Variants in MAP2 observed in about 807,000 individuals in gnomAD.
MAP2 encodes the protein microtubule-associated protein 2.
MAP2 carries 14 observed loss-of-function variants against 137.6 expected under a neutral mutation model. The ratio of observed to expected loss-of-function variants is 0.10; its 90% confidence interval spans 0.07 to 0.16. The LOEUF (loss-of-function observed/expected upper bound fraction) is 0.16. Ranked by LOEUF, MAP2 falls within the 10% of genes least tolerant of loss-of-function variation. The pLI is 1.00. For synonymous variants in MAP2, 786 were observed against 782.3 expected, an observed-to-expected ratio of 1.00 and a Z score of -0.08; for missense variants, 2,088 against 2,191.5, an observed-to-expected ratio of 0.95 and a Z score of 0.94.
At chr2:209,536,772 AT>A (rs544016185) in intron 2 of MAP2, among the ~76,000 whole-genome samples, 5 of 152,022 alleles carry the variant, frequency 3.3e-5, no homozygotes, top group Non-Finnish European at 7.4e-5. Flanking sequence ...ATATGATAGT[AT>A]TTTTTTTCAT....
intron 1 of MAP2, among the ~76,000 whole-genome samples, chr2:209,487,403 T>C (rs1004745333): frequency 3.3e-5 from 5 of 152,170 alleles, no homozygotes; most frequent in Admixed American, 3.3e-4. Flanking sequence ...GATGACAAAA[T>C]GATGGTTTGG....
intron 2 of MAP2, among the ~76,000 whole-genome samples, chr2:209,550,490 T>G (rs1209542626): frequency 6.6e-6 from 1 of 152,134 alleles, no homozygotes; most frequent in Non-Finnish European, 1.5e-5. Context: ...TTCACAAAAT[T>G]GAACTCTAAT....
intron 2 of MAP2, among the ~76,000 whole-genome samples, chr2:209,541,796 G>A (rs938200959): frequency 3.3e-5 from 5 of 152,206 alleles, no homozygotes; most frequent in African/African-American, 1.2e-4. Flanking sequence ...TTTAATGCTA[G>A]TTCTTTTTCT....
At chr2:209,664,976 A>G (rs1168334047) in intron 5 of MAP2, among the ~76,000 whole-genome samples, 2 of 147,542 alleles carry the variant, frequency 1.4e-5, no homozygotes, top group Non-Finnish European at 3.1e-5. Context: ...AAAAAAAAAA[A>G]AAAAAAAAAA....
At chr2:209,660,115 T>C (rs1339230686) in intron 5 of MAP2, among the ~76,000 whole-genome samples, 1 of 152,038 alleles carries the variant, frequency 6.6e-6, no homozygotes, top group South Asian at 2.1e-4. Flanking sequence ...CTTGGGTAAA[T>C]GTAAAGATTA....
chr2:209,613,659 AC>A (rs1244177536), intron 3 of MAP2, among the ~76,000 whole-genome samples: 1 of 152,164 alleles, frequency 6.6e-6, no homozygotes, highest in Non-Finnish European at 1.5e-5. Flanking sequence ...TCAGAGTGGG[AC>A]TTTTTTATTG....
At chr2:209,617,550 GA>G (rs2089898325) in intron 3 of MAP2, among the ~76,000 whole-genome samples, 1 of 152,132 alleles carries the variant, frequency 6.6e-6, no homozygotes, top group Non-Finnish European at 1.5e-5. Flanking sequence ...TAGTTAAGAA[GA>G]GAGCTCAGAG....
In MAP2 at chr2:209,603,375, T is replaced by C. The variant is rs986704081; in HGVS notation, c.-106-21678T>C. ...AAAGCTTTACCATTTTCAGTGTGCCTTCAGAGTCATTGTTTCATTTGATGT... is the reference window on the plus strand; with the variant it reads ...AAAGCTTTACCATTTTCAGTGTGCCCTCAGAGTCATTGTTTCATTTGATGT... On this transcript the variant is annotated intron_variant, in intron 3 of 15. Transcript: ENST00000682079. 2.8e-4 allele frequency among the ~76,000 whole-genome samples: 42 copies of C among 152,130 alleles called. 1 individual carries two copies. The highest frequency in any genetic ancestry group is 5.1e-4 in the Non-Finnish European group (35 of 68,024).
chr2:209,473,110 C>A (rs530611930), intron 1 of MAP2, among the ~76,000 whole-genome samples: 1 of 152,276 alleles, frequency 6.6e-6, no homozygotes, highest in Admixed American at 6.5e-5. Context: ...GTCCTCCCCA[C>A]ATCAACTATT....
chr2:209,583,574 TACCAATTCA>T (rs1049018675), intron 3 of MAP2, among the ~76,000 whole-genome samples: 1 of 151,476 alleles, frequency 6.6e-6, no homozygotes, highest in Admixed American at 6.6e-5. Context: ...AGAGTAAAAA[TACCAATTCA>T]ACCTCAAGGA....
chr2:209,710,364 G>T lies in MAP2; in HGVS notation c.5073+110G>T, dbSNP rs2065006618. The T allele has an allele frequency of 3.2e-5, 31 of 961,304 alleles. 1 individual carries two copies. The South Asian group carries it at 5.4e-4, about 17-fold the overall frequency. The allele number at this position is 961,304 out of a possible 1,614,324, so 59.5% of individuals were successfully genotyped here. On this transcript the variant is annotated intron_variant, in intron 13 of 15. Transcript: ENST00000682079. ...GGGAAGCAGAGGTGTTAAAGAGCTT[G>T]GTTACAATTTATTGCTAAGAGTTTG...
chr2:209,609,105 A>G (rs887921557), intron 3 of MAP2, among the ~76,000 whole-genome samples: 6 of 152,024 alleles, frequency 3.9e-5, no homozygotes, highest in African/African-American at 7.2e-5. Context: ...AGGGTGTTTC[A>G]TGTATTTTTA....
intron 1 of MAP2, among the ~76,000 whole-genome samples, chr2:209,452,820 C>A (rs1700624716): frequency 6.6e-6 from 1 of 152,120 alleles, no homozygotes. Flanking sequence ...ACCTTAACTC[C>A]TTTGCTGCAA....
rs1214257039 is a variant in MAP2 at position 209,690,324 on chromosome 2, A to G, written c.455-2301A>G. 2.6e-5 allele frequency among the ~76,000 whole-genome samples: 4 copies of G among 152,128 alleles called. No homozygotes were observed. The South Asian group carries it at 8.3e-4, about 31-fold the overall frequency. ...CGTTTCCAATAAGGGTAATCAATCA[A>G]TACAACCCTTTCAGCTCTCAAACTT... On this transcript the variant is annotated intron_variant, in intron 7 of 15. Coordinates refer to ENST00000682079, the MANE Select transcript of MAP2 (RefSeq NM_001375505.1).
chr2:209,566,871 A>G lies in MAP2; in HGVS notation c.-171-13165A>G, dbSNP rs115663883. 6.7e-3 allele frequency among the ~76,000 whole-genome samples: 1,020 copies of G among 152,234 alleles called. 5 individuals carry two copies. Among genetic ancestry groups the G allele is most frequent in the Non-Finnish European group, 0.011 (718 of 68,006 alleles). ...CTCACATCCCTTTCTCTCATCCGCCATCAATCAATCATACATTTTGTTAAA... is the reference window on the plus strand; with the variant it reads ...CTCACATCCCTTTCTCTCATCCGCCGTCAATCAATCATACATTTTGTTAAA... On this transcript the variant is annotated intron_variant, in intron 2 of 15. Transcript: ENST00000682079.
rs113537849 is a variant in MAP2, at chr2:209,616,836, G to T, written c.-106-8217G>T. Among the ~76,000 whole-genome samples, 612 of 152,258 alleles carry T rather than the reference G, an allele frequency of 4.0e-3. 5 individuals carry two copies. Among genetic ancestry groups the T allele is most frequent in the African/African-American group, 0.014 (577 of 41,558 alleles). On this transcript the variant is annotated intron_variant, in intron 3 of 15. Transcript: ENST00000682079. Reference sequence around the variant, plus strand: ...ATTAGTCTGCCCAGCCTGCCATAAAGAACACCACAGGCTGGGGGGCTTAGG... The same window carrying T: ...ATTAGTCTGCCCAGCCTGCCATAAATAACACCACAGGCTGGGGGGCTTAGG...
At chr2:209,530,749 T>A (rs1282512485) in intron 2 of MAP2, among the ~76,000 whole-genome samples, 1 of 152,176 alleles carries the variant, frequency 6.6e-6, no homozygotes, top group Non-Finnish European at 1.5e-5. Flanking sequence ...GTAATAGAGG[T>A]ATTCACCTTT....
intron 5 of MAP2, among the ~76,000 whole-genome samples, chr2:209,677,575 A>G (rs534094947): frequency 6.6e-6 from 1 of 152,072 alleles, no homozygotes; most frequent in East Asian, 1.9e-4. Context: ...TCCTTCATTC[A>G]TACCACTAAA....
At chr2:209,485,385 T>C (rs1353799339) in intron 1 of MAP2, among the ~76,000 whole-genome samples, 1 of 152,244 alleles carries the variant, frequency 6.6e-6, no homozygotes. Flanking sequence ...TATAACTTTT[T>C]TTTTTATTGT....
Sources: gnomAD v4.1 joint callset for allele counts (sites outside exome capture counted in the v4.1 genomes callset) on GRCh38, gnomAD v4.1.1 for gene constraint, MANE v1.5 for transcripts, NCBI Gene and HGNC (gene_info 2026-07-23, HGNC 2026-07-21) for gene names.